The following USP32 variants were observed in gnomAD, a reference collection of about 807,000 sequenced individuals.
USP32 encodes the protein ubiquitin specific peptidase 32.
A neutral mutation model predicts 204.8 loss-of-function variants in USP32; 59 were observed. That is an observed-to-expected ratio of 0.29 (90% CI 0.23 to 0.36). The LOEUF is 0.36. Among genes scored for constraint, USP32 ranks in the 10% least tolerant of loss-of-function variants. The pLI is 1.00. For missense variants in USP32, 1,160 were observed against 1,946.4 expected (o/e 0.60, Z 7.60); for synonymous variants, 517 against 678.4 (o/e 0.76, Z 3.70).
intron 16 of USP32, among the ~76,000 whole-genome samples, chr17:60,217,233 A>C (rs547395791): frequency 8.9e-4 from 135 of 152,318 alleles, no homozygotes; most frequent in African/African-American, 2.8e-3. Context: ...TAGGATCAGC[A>C]CAAGAGTTAC....
At position 60,392,098 on chromosome 17, in the gene USP32, T is replaced by C; in HGVS notation, c.-159A>G. On this transcript the variant is annotated 5_prime_UTR_variant, in exon 1 of 34. Transcript: ENST00000300896. ...GTGCGGCTTCTGCCCCGGCGGCTCC[T>C]CCCGGTCGCCGCCACCGCCTCCATG... 1.4e-6 allele frequency: 1 copy of C among 707,860 alleles called. No individual in the cohort carries two copies. Among genetic ancestry groups the C allele is most frequent in the Non-Finnish European group, 2.1e-6 (1 of 472,456 alleles). 43.8% of individuals were successfully genotyped at this position (707,860 alleles called of 1,614,324 possible). A position where few individuals can be genotyped will look rare whatever the true frequency, so the allele number is the denominator to read the frequency against.
intron 3 of USP32, among the ~76,000 whole-genome samples, chr17:60,296,565 G>A (rs1317130832): frequency 1.3e-5 from 2 of 152,170 alleles, no homozygotes; most frequent in Non-Finnish European, 2.9e-5. Flanking sequence ...CTAGCCTTCA[G>A]AACTATGAGA....
intron 26 of USP32, among the ~76,000 whole-genome samples, chr17:60,199,249 C>G (rs9892358): frequency 0.068 from 10,318 of 151,860 alleles, 1,198 homozygotes; most frequent in African/African-American, 0.24. Context: ...TTTGTGAAAC[C>G]TAGTAATTCT....
chr17:60,204,514 G>C (rs1028505823), intron 26 of USP32, among the ~76,000 whole-genome samples: 2 of 150,444 alleles, frequency 1.3e-5, no homozygotes, highest in African/African-American at 4.9e-5. Context: ...TATCACCCAG[G>C]CTGGAGTGCT....
At chr17:60,263,764 G>A (rs909783467) in intron 9 of USP32, among the ~76,000 whole-genome samples, 4 of 152,164 alleles carry the variant, frequency 2.6e-5, no homozygotes, top group African/African-American at 9.7e-5. Flanking sequence ...GAAGGGGACT[G>A]AATTGTCAAA....
rs150701747 is a variant in USP32 at position 60,410,388 on chromosome 17, G to A, written c.106+11858C>T. Among the ~76,000 whole-genome samples, 623 of 152,250 alleles carry A rather than the reference G, an allele frequency of 4.1e-3. 2 individuals carry two copies. Among genetic ancestry groups the A allele is most frequent in the African/African-American group, 0.014 (566 of 41,544 alleles). On this transcript the variant is annotated intron_variant, in intron 1 of 3. Transcript: ENST00000588898. ...ACTATCCTTTAAAAACCCTAGCCTC[G>A]GTGGGCGCGGTGGCTCATGCCTGTA... is the stretch of plus-strand genomic sequence containing the variant.
chr17:60,189,010 T>C (rs58866074), intron 29 of USP32, among the ~76,000 whole-genome samples: 3,214 of 152,334 alleles, frequency 0.021, 133 homozygotes, highest in African/African-American at 0.073. Context: ...AAAGAGCTTT[T>C]CCGATTGCAC....
intron 2 of USP32, among the ~76,000 whole-genome samples, chr17:60,305,430 G>A (rs932224578): frequency 2.0e-5 from 3 of 152,132 alleles, no homozygotes; most frequent in East Asian, 3.9e-4. Context: ...GCACTCGTGG[G>A]GATCTGCCCC....
intron 2 of USP32, among the ~76,000 whole-genome samples, chr17:60,343,458 A>G (rs985018244): frequency 2.0e-5 from 3 of 152,236 alleles, no homozygotes; most frequent in African/African-American, 7.2e-5. Context: ...TGTCTCTGAG[A>G]CCACAGTGCA....
chr17:60,193,734 T>C (rs7216167), intron 27 of USP32, among the ~76,000 whole-genome samples: 21,979 of 152,088 alleles, frequency 0.14, 3,481 homozygotes, highest in African/African-American at 0.39. Flanking sequence ...ACATGGGCTA[T>C]TGAAGGTAAT....
chr17:60,234,071 T>TC (rs1270345860), intron 12 of USP32, among the ~76,000 whole-genome samples: 2 of 151,716 alleles, frequency 1.3e-5, no homozygotes, highest in Admixed American at 1.3e-4. Context: ...CACCTCAGCC[T>TC]CCCAAGTAGC....
chr17:60,407,781 C>CAAA (rs750848462), intron 1 of USP32, among the ~76,000 whole-genome samples: 371 of 35,810 alleles, frequency 0.01, 19 homozygotes, highest in African/African-American at 0.031. Flanking sequence ...GCCTCTGTCT[C>CAAA]AAAAAAAAAA....
At position 60,352,230 on chromosome 17, in the gene USP32, G is replaced by T. The variant is rs76642134; in HGVS notation, c.59-6622C>A. ...AATGACTGGGGGGACCTCCATGAAG[G>T]CTTCTTAAAAGGTAACAGCTGGCAA... On this transcript the variant is annotated intron_variant, in intron 1 of 33. Transcript: ENST00000300896. 9.4e-3 allele frequency among the ~76,000 whole-genome samples: 1,438 copies of T among 152,254 alleles called. 30 individuals carry two copies. Among genetic ancestry groups the T allele is most frequent in the African/African-American group, 0.033 (1,381 of 41,512 alleles).
intron 1 of USP32, among the ~76,000 whole-genome samples, chr17:60,414,843 T>TTTTA (rs1262084944): frequency 6.6e-6 from 1 of 151,512 alleles, no homozygotes; most frequent in Non-Finnish European, 1.5e-5. Flanking sequence ...TTTATTTTTC[T>TTTTA]TTTCTTTCTT....
intron 2 of USP32, among the ~76,000 whole-genome samples, chr17:60,313,701 A>G (rs1197845062): frequency 2.0e-5 from 3 of 152,162 alleles, no homozygotes; most frequent in African/African-American, 7.2e-5. Flanking sequence ...GTTAATCCTT[A>G]GTATTAGAGG....
chr17:60,377,027 C>CA (rs1438322886), intron 1 of USP32, among the ~76,000 whole-genome samples: 1 of 152,160 alleles, frequency 6.6e-6, no homozygotes. Flanking sequence ...CAAAGGGCTA[C>CA]ATTTGAGGGG....
At chr17:60,297,341 G>C (rs1224157364) in intron 3 of USP32, among the ~76,000 whole-genome samples, 3 of 152,158 alleles carry the variant, frequency 2.0e-5, no homozygotes, top group African/African-American at 7.2e-5. Context: ...CAAGGCTGCA[G>C]TGAGCTATCT....
At chr17:60,211,718 C>A (rs1248125600) in intron 19 of USP32, among the ~76,000 whole-genome samples, 2 of 151,932 alleles carry the variant, frequency 1.3e-5, no homozygotes, top group African/African-American at 4.8e-5. Context: ...TCATTTGTAA[C>A]CCAGAAGCAG....
chr17:60,351,331 G>A (rs375687153), intron 1 of USP32, among the ~76,000 whole-genome samples: 1 of 152,090 alleles, frequency 6.6e-6, no homozygotes, highest in African/African-American at 2.4e-5. Context: ...AAGTAGCTGG[G>A]ACTACAGGCA....
Sources: gnomAD v4.1 joint callset for allele counts (sites outside exome capture counted in the v4.1 genomes callset) on GRCh38, gnomAD v4.1.1 for gene constraint, MANE v1.5 for transcripts, NCBI Gene and HGNC (gene_info 2026-07-23, HGNC 2026-07-21) for gene names.